The following GALK2 variants were observed in gnomAD, a reference collection of about 807,000 sequenced individuals.
GALK2 encodes the protein galactokinase 2.
In GALK2, 36 loss-of-function variants were observed where a neutral mutation model predicts 52.4. That is an observed-to-expected ratio of 0.69 (90% CI 0.53 to 0.91). The LOEUF (loss-of-function observed/expected upper bound fraction) is 0.91. GALK2 is among the 40% of genes least tolerant of loss of function. GALK2 has a pLI of 0.00. For synonymous variants in GALK2, 176 were observed against 199.1 expected (o/e 0.88, Z 0.98); for missense variants, 579 against 559.1 (o/e 1.04, Z -0.36).
rs375576432 is a variant in GALK2, at chr15:49,292,406, T to C, written c.836T>C (p.Leu279Pro). The part of the protein sequence containing the change: ...EEVQAKLGIS[L>P]EEMLLVTEDA... ...GTGCAGGCTAAACTAGGGATTAGTCTAGAAGAAATGCTGTTGGTCACAGAA... is the reference window on the plus strand; with the variant it reads ...GTGCAGGCTAAACTAGGGATTAGTCCAGAAGAAATGCTGTTGGTCACAGAA... The change falls in exon 8 of 10, where the codon CTA becomes CCA. Residue 279 changes from leucine to proline, a missense_variant. Transcript: ENST00000560031. The C allele has an allele frequency of 1.2e-5, 19 of 1,613,934 alleles. No individual in the cohort carries two copies. The highest frequency in any genetic ancestry group is 1.6e-5 in the Non-Finnish European group (19 of 1,179,966).
rs111884837 is a variant in GALK2 at position 49,275,863 on chromosome 15, G to C, written c.505-6124G>C. On this transcript the variant is annotated intron_variant, in intron 5 of 9. Coordinates refer to ENST00000560031, the MANE Select transcript of GALK2 (RefSeq NM_002044.4). ...GTTATTTCATTTCTCCTCTTACCTG[G>C]AGTTCCACTGGCATGCAGATGGATA... Among the ~76,000 whole-genome samples, 83 of 152,176 alleles carry C rather than the reference G, an allele frequency of 5.5e-4. 1 individual carries two copies. Among genetic ancestry groups the C allele is most frequent in the African/African-American group, 1.9e-3 (79 of 41,502 alleles).
chr15:49,276,785 C>A (rs1316449799), intron 5 of GALK2, among the ~76,000 whole-genome samples: 1 of 152,046 alleles, frequency 6.6e-6, no homozygotes, highest in Non-Finnish European at 1.5e-5. Flanking sequence ...CTATCTCTGG[C>A]TTAGGCCATG....
Position 49,328,650 on chromosome 15 carries a change from T to G in GALK2, c.*491T>G, listed in dbSNP as rs1227101763. 2 of 1,571,952 alleles carry G rather than the reference T, an allele frequency of 1.3e-6. No individual in the cohort carries two copies. Among genetic ancestry groups the G allele is most frequent in the Middle Eastern group, 3.3e-4 (2 of 5,998 alleles). The stretch of plus-strand genomic sequence containing the variant: ...TGATGACGATAGTGATGCCACACAT[T>G]CTCTCTCAATTTCAGCTTCGGAACG... On this transcript the variant is annotated 3_prime_UTR_variant, in exon 10 of 10. Transcript: ENST00000560031.
At chr15:49,217,043 T>C in intron 2 of GALK2, 147 bp from the exon 3 acceptor site, 2 of 591,860 alleles carry the variant, frequency 3.4e-6, no homozygotes, top group Non-Finnish European at 2.9e-6. Context: ...GGAAGGGTTC[T>C]ATTTGGCCAT....
intron 5 of GALK2, among the ~76,000 whole-genome samples, chr15:49,242,407 A>G (rs1680133878): frequency 2.0e-5 from 3 of 152,306 alleles, no homozygotes; most frequent in Middle Eastern, 3.4e-3. Flanking sequence ...GAAAATGGCA[A>G]TGAGTGGGAA....
At chr15:49,311,546 G>A (rs966566440) in intron 8 of GALK2, among the ~76,000 whole-genome samples, 1 of 152,094 alleles carries the variant, frequency 6.6e-6, no homozygotes, top group Non-Finnish European at 1.5e-5. Context: ...CGTTCTTTCT[G>A]CCCAACCCTT....
intron 2 of GALK2, among the ~76,000 whole-genome samples, chr15:49,204,794 C>G (rs967664629): frequency 3.3e-5 from 5 of 151,608 alleles, no homozygotes; most frequent in Non-Finnish European, 4.4e-5. Flanking sequence ...TTTGGTGTAC[C>G]CATCACCCAA....
chr15:49,283,835 G>A, intron 7 of GALK2, 117 bp downstream of exon 7: 1 of 974,906 alleles, frequency 1.0e-6, no homozygotes, highest in South Asian at 1.7e-5. Context: ...TGACTGCACA[G>A]CATTCCAACT....
rs117086606 is a variant in GALK2 at position 49,318,586 on chromosome 15, T to C, written c.968-1018T>C. The stretch of plus-strand genomic sequence containing the variant: ...CATAATTTTTAAAAGTCCTCTGTTA[T>C]TAGATATTTGTTTCTTATTTTCTTC... On this transcript the variant is annotated intron_variant, in intron 8 of 9. Coordinates refer to ENST00000560031, the MANE Select transcript of GALK2 (RefSeq NM_002044.4). 9.1e-3 allele frequency among the ~76,000 whole-genome samples: 1,389 copies of C among 152,284 alleles called. 25 individuals are homozygous for C. The highest frequency in any genetic ancestry group is 0.015 in the Non-Finnish European group (1,030 of 68,008).
chr15:49,294,672 CTACTT>C (rs1159507550), intron 8 of GALK2, among the ~76,000 whole-genome samples: 8 of 152,182 alleles, frequency 5.3e-5, no homozygotes, highest in African/African-American at 1.7e-4. Context: ...GACACAGTCT[CTACTT>C]TATAGTGACT....
intron 1 of GALK2, among the ~76,000 whole-genome samples, chr15:49,183,329 A>G (rs1433361841): frequency 6.6e-6 from 1 of 152,056 alleles, no homozygotes; most frequent in African/African-American, 2.4e-5. Flanking sequence ...GCATTCCATC[A>G]CTGTAACCCA....
In GALK2 at chr15:49,207,907, G is replaced by C. The variant is rs2088446881; in HGVS notation, c.142+6657G>C. On this transcript the variant is annotated intron_variant, in intron 2 of 9. Transcript: ENST00000560031. ...TCTCCTGCCTCAGCCTGAGTAGCTAGGATTACAGGCACCCACCACCATGCC... is the reference window on the plus strand; with the variant it reads ...TCTCCTGCCTCAGCCTGAGTAGCTACGATTACAGGCACCCACCACCATGCC... Among the ~76,000 whole-genome samples, 3 of 152,052 alleles carry C rather than the reference G, an allele frequency of 2.0e-5. No individual in the cohort carries two copies. The South Asian group carries it at 6.2e-4, about 32-fold the overall frequency.
intron 8 of GALK2, among the ~76,000 whole-genome samples, chr15:49,314,560 A>G (rs2036251622): frequency 6.6e-6 from 1 of 152,238 alleles, no homozygotes; most frequent in Non-Finnish European, 1.5e-5. Context: ...TGTTACAAGG[A>G]GAAGGATTTG....
At chr15:49,208,069 G>A (rs1264806190) in intron 2 of GALK2, among the ~76,000 whole-genome samples, 1 of 152,158 alleles carries the variant, frequency 6.6e-6, no homozygotes, top group Non-Finnish European at 1.5e-5. Context: ...CACTGCGCCG[G>A]CCCAATTTTA....
intron 8 of GALK2, among the ~76,000 whole-genome samples, chr15:49,292,756 T>C (rs2034063866): frequency 6.6e-6 from 1 of 152,216 alleles, no homozygotes; most frequent in African/African-American, 2.4e-5. Flanking sequence ...GATTCCTGTC[T>C]TCCAGGGGCT....
At chr15:49,364,014 C>T (rs560581517) in intron 3 of GALK2, among the ~76,000 whole-genome samples, 8 of 151,970 alleles carry the variant, frequency 5.3e-5, no homozygotes, top group Admixed American at 1.3e-4. Flanking sequence ...GGATTCCGTT[C>T]GCTAGTATTT....
intron 2 of GALK2, among the ~76,000 whole-genome samples, chr15:49,216,552 CCA>C (rs1383469885): frequency 2.0e-5 from 3 of 152,230 alleles, no homozygotes; most frequent in Non-Finnish European, 4.4e-5. Context: ...TCTACTGCCT[CCA>C]AGGCCGGTGC....
chr15:49,267,643 A>G (rs1217061089), intron 5 of GALK2, among the ~76,000 whole-genome samples: 1 of 152,080 alleles, frequency 6.6e-6, no homozygotes, highest in East Asian at 1.9e-4. Context: ...CTGTGATAAC[A>G]TGTTATTTCT....
chr15:49,313,813 A>G (rs537765954), intron 8 of GALK2, among the ~76,000 whole-genome samples: 3 of 152,346 alleles, frequency 2.0e-5, no homozygotes, highest in African/African-American at 7.2e-5. Context: ...AGAAGAGGCC[A>G]CCAGCTCTTG....
Sources: gnomAD v4.1 joint callset for allele counts (sites outside exome capture counted in the v4.1 genomes callset) on GRCh38, gnomAD v4.1.1 for gene constraint, MANE v1.5 for transcripts, NCBI Gene and HGNC (gene_info 2026-07-23, HGNC 2026-07-21) for gene names.